Variants in CDH8 observed in about 807,000 individuals in gnomAD.
CDH8 encodes the protein cadherin 8.
In CDH8, 17 loss-of-function variants were observed where a neutral mutation model predicts 68.1. The ratio of observed to expected loss-of-function variants is 0.25; its 90% confidence interval spans 0.17 to 0.37. CDH8 has a LOEUF of 0.37. Among genes scored for constraint, CDH8 ranks in the 10% least tolerant of loss-of-function variants. The pLI is 1.00. For synonymous variants in CDH8, 372 were observed against 365.1 expected (o/e 1.02, Z -0.21); for missense variants, 763 against 999.3 (o/e 0.76, Z 3.19).
chr16:61,729,466 G>T (rs565384776), intron 8 of CDH8, among the ~76,000 whole-genome samples: 2 of 151,196 alleles, frequency 1.3e-5, no homozygotes, highest in East Asian at 3.9e-4. Flanking sequence ...TTTCAGAATT[G>T]CACTCGTAAT....
intron 3 of CDH8, among the ~76,000 whole-genome samples, chr16:61,880,784 A>C (rs910280877): frequency 2.6e-5 from 4 of 152,206 alleles, no homozygotes; most frequent in African/African-American, 9.6e-5. Flanking sequence ...CATGCTTTGA[A>C]TCAATAACAT....
intron 3 of CDH8, among the ~76,000 whole-genome samples, chr16:61,881,091 G>C (rs141776394): frequency 1.4e-3 from 211 of 152,244 alleles, no homozygotes; most frequent in African/African-American, 4.9e-3. Flanking sequence ...CCTCGTCCCT[G>C]GATGAAACCT....
At chr16:61,943,430 G>A (rs548379483) in intron 2 of CDH8, among the ~76,000 whole-genome samples, 14 of 152,326 alleles carry the variant, frequency 9.2e-5, no homozygotes, top group Admixed American at 3.3e-4. Context: ...ATAAAATTCA[G>A]GGGATATATT....
chr16:61,721,813 A>C (rs943214877), intron 9 of CDH8, among the ~76,000 whole-genome samples: 2 of 150,786 alleles, frequency 1.3e-5, no homozygotes, highest in Admixed American at 1.3e-4. Flanking sequence ...GCAGACTTTA[A>C]AATTCATTTT....
At chr16:61,703,710 A>C (rs1964477465) in intron 10 of CDH8, among the ~76,000 whole-genome samples, 1 of 152,004 alleles carries the variant, frequency 6.6e-6, no homozygotes, top group South Asian at 2.1e-4. Context: ...GCGTGGTGGC[A>C]GCGCCTGTAG....
intron 8 of CDH8, among the ~76,000 whole-genome samples, chr16:61,765,396 T>C (rs918622192): frequency 6.6e-6 from 1 of 152,022 alleles, no homozygotes; most frequent in African/African-American, 2.4e-5. Flanking sequence ...ATTTAATAAA[T>C]AGACAATTAT....
At chr16:61,889,763 A>C (rs1323276783) in intron 3 of CDH8, among the ~76,000 whole-genome samples, 1 of 152,212 alleles carries the variant, frequency 6.6e-6, no homozygotes, top group Admixed American at 6.5e-5. Flanking sequence ...ATAAACAGGA[A>C]GATTTGCCTT....
At chr16:61,768,477 A>G (rs1021912665) in intron 8 of CDH8, among the ~76,000 whole-genome samples, 1 of 138,718 alleles carries the variant, frequency 7.2e-6, no homozygotes, top group Non-Finnish European at 1.5e-5. Context: ...CCCAGTTTCT[A>G]TCTGTGTGAC....
Position 61,761,514 on chromosome 16 carries a change from C to T in CDH8, c.1414+27832G>A, listed in dbSNP as rs145611152. Among the ~76,000 whole-genome samples the T allele has an allele frequency of 1.1e-3, 168 of 152,158 alleles. No homozygotes were observed. The East Asian group carries it at 0.031, about 28-fold the overall frequency. ...GCAAACAATCCCTAGAGCTAAAGAC[C>T]TCCCTTAATGGTAGGCAGAGTATAA... On this transcript the variant is annotated intron_variant, in intron 8 of 11. Coordinates refer to ENST00000577390, the MANE Select transcript of CDH8 (RefSeq NM_001796.5).
intron 8 of CDH8, among the ~76,000 whole-genome samples, chr16:61,732,075 A>G (rs11075435): frequency 0.032 from 4,823 of 151,752 alleles, 352 homozygotes; most frequent in East Asian, 0.24. Flanking sequence ...AAAGAACAGC[A>G]GTTAAAAAAA....
chr16:61,788,115 C>G (rs1961282104), intron 8 of CDH8, among the ~76,000 whole-genome samples: 1 of 151,310 alleles, frequency 6.6e-6, no homozygotes, highest in Non-Finnish European at 1.5e-5. Flanking sequence ...AACAAACATT[C>G]TTCACTCTTG....
At chr16:61,989,294 A>G (rs551352372) in intron 2 of CDH8, among the ~76,000 whole-genome samples, 84 of 152,312 alleles carry the variant, frequency 5.5e-4, no homozygotes, top group African/African-American at 1.6e-3. Flanking sequence ...GAGTGATTCA[A>G]AATATTCCAG....
intron 7 of CDH8, among the ~76,000 whole-genome samples, chr16:61,797,266 T>C (rs1961521775): frequency 6.6e-6 from 1 of 152,118 alleles, no homozygotes; most frequent in African/African-American, 2.4e-5. Flanking sequence ...ACAATATACA[T>C]GCAGAACACT....
chr16:61,721,021 C>A (rs1390856205), intron 9 of CDH8, among the ~76,000 whole-genome samples: 1 of 141,512 alleles, frequency 7.1e-6, no homozygotes, highest in Admixed American at 8.7e-5. Context: ...AGGGTTTAAA[C>A]TAACAGAGAT....
chr16:61,720,155 G>GTGTGTATC (rs1336298738), intron 9 of CDH8, among the ~76,000 whole-genome samples: 1 of 150,842 alleles, frequency 6.6e-6, no homozygotes, highest in Admixed American at 6.6e-5. Context: ...CTGTGTGAAG[G>GTGTGTATC]TGTGTATCTA....
intron 2 of CDH8, among the ~76,000 whole-genome samples, chr16:61,931,309 G>A (rs1964536516): frequency 6.6e-6 from 1 of 152,020 alleles, no homozygotes; most frequent in Non-Finnish European, 1.5e-5. Context: ...GGCCACGAGT[G>A]CACACAACCA....
At chr16:61,775,583 G>C (rs548402373) in intron 8 of CDH8, among the ~76,000 whole-genome samples, 1 of 152,018 alleles carries the variant, frequency 6.6e-6, no homozygotes, top group African/African-American at 2.4e-5. Context: ...GCAAATAAAG[G>C]CTTGTAAAGT....
chr16:61,927,095 A>T (rs1964467601), intron 2 of CDH8, among the ~76,000 whole-genome samples: 1 of 152,152 alleles, frequency 6.6e-6, no homozygotes, highest in African/African-American at 2.4e-5. Flanking sequence ...ATCCTTGTAC[A>T]GTAGAAAGAA....
At chr16:61,781,321 G>A (rs916980795) in intron 8 of CDH8, among the ~76,000 whole-genome samples, 1 of 152,130 alleles carries the variant, frequency 6.6e-6, no homozygotes, top group African/African-American at 2.4e-5. Context: ...ATTTTAAAAA[G>A]GTGGCATGGG....
Sources: gnomAD v4.1 joint callset for allele counts (sites outside exome capture counted in the v4.1 genomes callset) on GRCh38, gnomAD v4.1.1 for gene constraint, MANE v1.5 for transcripts, NCBI Gene and HGNC (gene_info 2026-07-23, HGNC 2026-07-21) for gene names.